Variants in FNBP1 observed in about 807,000 individuals in gnomAD.
The protein encoded by FNBP1 is formin-binding protein 1.
A neutral mutation model predicts 90.6 loss-of-function variants in FNBP1; 26 were observed. The ratio of observed to expected loss-of-function variants is 0.29; its 90% CI spans 0.21 to 0.40. The LOEUF (loss-of-function observed/expected upper bound fraction) is 0.40, where lower values mean the gene tolerates loss of function less well. Ranked by LOEUF, FNBP1 falls within the 10% of genes least tolerant of loss-of-function variation. The probability of loss-of-function intolerance (pLI) is 1.00; values close to 1 mark genes in which losing one functional copy is unlikely to be tolerated. For synonymous variants in FNBP1, 260 were observed against 265.2 expected (o/e 0.98, Z 0.19); for missense variants, 635 against 768.0 (o/e 0.83, Z 2.05).
At chr9:129,979,434 T>G in intron 2 of FNBP1, 60 bp from the exon 3 acceptor site, 1 of 1,237,914 alleles carries the variant, frequency 8.1e-7, no homozygotes, top group East Asian at 2.3e-5. Flanking sequence ...AAATCAGGAA[T>G]GAAAGATAAC....
At chr9:130,053,720 A>C in the FNBP1 span, 1 of 580,658 alleles carries the variant, frequency 1.7e-6, no homozygotes, top group Non-Finnish European at 3.0e-6. Flanking sequence ...TTCATCTCTA[A>C]CTGAAAGTCT....
chr9:129,932,276 GAGAA>G (rs1244944971), intron 6 of FNBP1, among the ~76,000 whole-genome samples: 6 of 151,674 alleles, frequency 4.0e-5, no homozygotes, highest in Non-Finnish European at 7.4e-5. Flanking sequence ...AAGTGAAAGA[GAGAA>G]AGAAAAAGGA....
chr9:130,026,497 A>C (rs2058354684), intron 1 of FNBP1, among the ~76,000 whole-genome samples: 1 of 152,108 alleles, frequency 6.6e-6, no homozygotes, highest in Non-Finnish European at 1.5e-5. Context: ...CTATCTCAAA[A>C]AAACAAACAA....
At chr9:129,907,070 G>A (rs1490892496) in intron 12 of FNBP1, among the ~76,000 whole-genome samples, 2 of 144,876 alleles carry the variant, frequency 1.4e-5, no homozygotes, top group Admixed American at 7.1e-5. Flanking sequence ...GAGCCACTGC[G>A]CCTGGCCCAA....
chr9:130,010,928 C>T (rs530746368), intron 1 of FNBP1, among the ~76,000 whole-genome samples: 2 of 151,624 alleles, frequency 1.3e-5, no homozygotes, highest in African/African-American at 4.8e-5. Context: ...CATAGACTTG[C>T]AGGGCTCAAG....
intron 16 of FNBP1, chr9:129,895,175 C>T (rs2035521014): frequency 1.3e-6 from 1 of 775,516 alleles, no homozygotes. Flanking sequence ...CAGATTTCAG[C>T]TGGTTGTCTG....
chr9:129,944,732 T>C (rs1247471700), intron 6 of FNBP1, among the ~76,000 whole-genome samples: 4 of 152,172 alleles, frequency 2.6e-5, no homozygotes, highest in Non-Finnish European at 5.9e-5. Context: ...GAGGTGCATA[T>C]GCATCCTTAC....
At chr9:130,043,628 G>A (rs2060013290), upstream of FNBP1, among the ~76,000 whole-genome samples, 2 of 152,238 alleles carry the variant, frequency 1.3e-5, no homozygotes, top group African/African-American at 4.8e-5. Flanking sequence ...CCGCCCGAGG[G>A]AAGCCCGAGA....
At chr9:129,923,415 C>T (rs1304995363) in intron 10 of FNBP1, among the ~76,000 whole-genome samples, 2 of 151,754 alleles carry the variant, frequency 1.3e-5, no homozygotes, top group African/African-American at 2.4e-5. Flanking sequence ...GCTGTCTCTA[C>T]TAAAAATATA....
chr9:129,996,795 G>C (rs1752860931), intron 1 of FNBP1, among the ~76,000 whole-genome samples: 1 of 152,016 alleles, frequency 6.6e-6, no homozygotes, highest in African/African-American at 2.4e-5. Flanking sequence ...CCAGACTCAA[G>C]TGATCCTCCC....
intron 1 of FNBP1, among the ~76,000 whole-genome samples, chr9:130,037,469 C>T (rs2059421729): frequency 6.6e-6 from 1 of 152,096 alleles, no homozygotes; most frequent in African/African-American, 2.4e-5. Context: ...ATACCTGGAA[C>T]TGTTAATAAT....
At position 129,889,087 on chromosome 9, in the gene FNBP1, G is replaced by A. The variant is rs995311036; in HGVS notation, c.*1452C>T. ...GCTCTGCTCTAAGGCGTGGCGGGGGGGGGGGGTGGTGGCCACAGATTAGGG... is the reference window on the plus strand; with the variant it reads ...GCTCTGCTCTAAGGCGTGGCGGGGGAGGGGGGTGGTGGCCACAGATTAGGG... On this transcript the variant is annotated 3_prime_UTR_variant, in exon 17 of 17. Coordinates refer to ENST00000446176, the MANE Select transcript of FNBP1 (RefSeq NM_015033.3). The A allele has an allele frequency of 4.7e-5, 10 of 213,664 alleles. No individual in the cohort carries two copies. Among genetic ancestry groups the A allele is most frequent in the African/African-American group, 1.8e-4 (8 of 44,110 alleles). 13.2% of individuals were successfully genotyped at this position (213,664 alleles called of 1,614,324 possible).
Position 129,890,428 on chromosome 9 carries a change from G to A in FNBP1, c.*111C>T. ...GAGAGAGAGACCGCCCCGCAGGGAT[G>A]GGGCTGCGGAGGGGTGGGCTGTCCA... On this transcript the variant is annotated 3_prime_UTR_variant, in exon 17 of 17. Coordinates refer to ENST00000446176, the MANE Select transcript of FNBP1 (RefSeq NM_015033.3). The surrounding 1 kb of genome is among the most constrained non-coding windows in gnomAD (Gnocchi z 5.8). The A allele has an allele frequency of 1.2e-6, 1 of 857,902 alleles. No homozygotes were observed. The highest frequency in any genetic ancestry group is 1.9e-6 in the Non-Finnish European group (1 of 519,926). 53.1% of individuals were successfully genotyped at this position (857,902 alleles called of 1,614,324 possible).
intron 1 of FNBP1, among the ~76,000 whole-genome samples, chr9:130,036,488 C>G (rs2059324701): frequency 6.6e-6 from 1 of 152,168 alleles, no homozygotes; most frequent in African/African-American, 2.4e-5. Flanking sequence ...GTCTAATGTA[C>G]AAAGTGAGGG....
intron 8 of FNBP1, among the ~76,000 whole-genome samples, chr9:129,926,675 T>A (rs2041961714): frequency 6.6e-6 from 1 of 151,670 alleles, no homozygotes; most frequent in Non-Finnish European, 1.5e-5. Flanking sequence ...TTACCTGAGG[T>A]CAGGAGTTCG....
At chr9:129,895,504 A>C in intron 16 of FNBP1, 1 of 1,188,400 alleles carries the variant, frequency 8.4e-7, no homozygotes, top group Non-Finnish European at 1.0e-6. Flanking sequence ...CAGAAAGATG[A>C]GAAGCTACAA....
chr9:129,983,056 T>G (rs2051537223), intron 2 of FNBP1, among the ~76,000 whole-genome samples: 1 of 152,224 alleles, frequency 6.6e-6, no homozygotes, highest in African/African-American at 2.4e-5. Context: ...CATATAAAAA[T>G]TATTCCAAAA....
At chr9:129,927,757 ACCCCC>A (rs991311151) in intron 7 of FNBP1, among the ~76,000 whole-genome samples, 1 of 64,432 alleles carries the variant, frequency 1.6e-5, no homozygotes, top group South Asian at 7.1e-4. Context: ...TACAGGCCCC[ACCCCC>A]CCTCCCCCCG....
In FNBP1 at chr9:129,890,572, A is replaced by T; in HGVS notation, c.1847-26T>A. 2.5e-6 allele frequency: 4 copies of T among 1,571,754 alleles called. No homozygotes were observed. The highest frequency in any genetic ancestry group is 3.5e-6 in the Non-Finnish European group (4 of 1,158,254). On this transcript the variant is annotated intron_variant, in intron 16 of 16. Coordinates refer to ENST00000446176, the MANE Select transcript of FNBP1 (RefSeq NM_015033.3). This position sits in a 1 kb window ranked among gnomAD's most constrained non-coding sequence, Gnocchi z 5.8. ...CTACAACACAAAGAGAAACAGAAAG[A>T]GAAACTCTCTGTTAGAGAGGAAGGC...
Sources: gnomAD v4.1 joint callset for allele counts (sites outside exome capture counted in the v4.1 genomes callset) on GRCh38, gnomAD v4.1.1 for gene constraint, Gnocchi (gnomAD v3.1) non-coding constraint, MANE v1.5 for transcripts, NCBI Gene and HGNC (gene_info 2026-07-23, HGNC 2026-07-21) for gene names.